The following OTOGL variants were observed in gnomAD, a reference collection of about 807,000 sequenced individuals.
OTOGL encodes the protein otogelin like, also known as otogelin-like protein.
A neutral mutation model predicts 318.5 loss-of-function variants in OTOGL; 285 were observed. The observed-to-expected ratio is 0.89, with a 90% CI of 0.81 to 0.99. The LOEUF is 0.99. OTOGL is among the 50% of genes least tolerant of loss of function. The pLI is 0.00. For missense variants in OTOGL, 2,899 were observed against 2,845.6 expected (o/e 1.02, Z -0.43); for synonymous variants, 987 against 936.5 (o/e 1.05, Z -0.99).
rs1185176238 is a variant in OTOGL, at chr12:80,379,363, A to G, written c.*1315A>G. On this transcript the variant is annotated 3_prime_UTR_variant, in exon 59 of 59. Transcript: ENST00000547103. ...TAAACTAGATTATCTGCTTTCATAT[A>G]CTAATGTTTTCATTTCAAAATCATG... 6 of 152,000 alleles carry G rather than the reference A, an allele frequency of 3.9e-5. No homozygotes were observed. The highest frequency in any genetic ancestry group is 1.4e-4 in the African/African-American group (6 of 41,428). 9.4% of individuals were successfully genotyped at this position (152,000 alleles called of 1,614,324 possible).
At chr12:80,178,079 TTTTG>T (rs1874658128) in intron 1 of OTOGL, among the ~76,000 whole-genome samples, 1 of 143,872 alleles carries the variant, frequency 7.0e-6, no homozygotes, top group South Asian at 2.2e-4. Flanking sequence ...TTTTTTTTTT[TTTTG>T]AGACAGAGTC....
At chr12:80,180,039 G>T (rs540850468) in intron 1 of OTOGL, among the ~76,000 whole-genome samples, 2 of 152,200 alleles carry the variant, frequency 1.3e-5, no homozygotes, top group Non-Finnish European at 2.9e-5. Flanking sequence ...TCAAGGTTTG[G>T]TTTTATCCTA....
chr12:80,238,159 T>C (rs1322254686), intron 9 of OTOGL, among the ~76,000 whole-genome samples: 1 of 152,208 alleles, frequency 6.6e-6, no homozygotes, highest in African/African-American at 2.4e-5. Flanking sequence ...ATCTGTTTGT[T>C]GTTGCCCACA....
At chr12:80,125,704 C>G (rs1870785334) in intron 1 of OTOGL, among the ~76,000 whole-genome samples, 1 of 152,128 alleles carries the variant, frequency 6.6e-6, no homozygotes, top group African/African-American at 2.4e-5. Flanking sequence ...TAATTATTGC[C>G]TCAATTTCAG....
At chr12:80,280,604 G>T (rs1884157803) in intron 26 of OTOGL, among the ~76,000 whole-genome samples, 1 of 151,906 alleles carries the variant, frequency 6.6e-6, no homozygotes, top group Non-Finnish European at 1.5e-5. Context: ...TCAGATGGTT[G>T]TAGGTATGTG....
In OTOGL at chr12:80,337,145, A is replaced by G. The variant is rs537815749; in HGVS notation, c.4860+141A>G. 6.6e-5 allele frequency: 45 copies of G among 677,264 alleles called. No individual in the cohort carries two copies. In the African/African-American group the frequency reaches 6.9e-4, roughly 10 times the overall value. 42.0% of individuals were successfully genotyped at this position (677,264 alleles called of 1,614,324 possible). A position where few individuals can be genotyped will look rare whatever the true frequency, so the allele number is the denominator to read the frequency against. ...AGTAATCATTTCATAGACAATATAA[A>G]ATGTGTTTCTTAATATTATATTTGT... On this transcript the variant is annotated intron_variant, in intron 42 of 58. Transcript: ENST00000547103.
intron 11 of OTOGL, among the ~76,000 whole-genome samples, chr12:80,251,152 T>G (rs1475213417): frequency 2.0e-5 from 3 of 152,206 alleles, no homozygotes; most frequent in Non-Finnish European, 4.4e-5. Context: ...ACGTTTTGGA[T>G]TCTTATTGCA....
At chr12:80,355,220 CTTTCTT>C (rs1566009624) in intron 46 of OTOGL, among the ~76,000 whole-genome samples, 1 of 97,790 alleles carries the variant, frequency 1.0e-5, no homozygotes. Flanking sequence ...TTCTTTCTTT[CTTTCTT>C]TTCTTTTTTT....
At chr12:80,310,796 C>A in intron 30 of OTOGL, 69 bp downstream of exon 30, 1 of 1,240,820 alleles carries the variant, frequency 8.1e-7, no homozygotes, top group Non-Finnish European at 1.1e-6. Flanking sequence ...CTGAGGTGAA[C>A]ACGACACGTA....
intron 1 of OTOGL, among the ~76,000 whole-genome samples, chr12:80,144,715 C>G (rs1872214238): frequency 6.6e-6 from 1 of 152,060 alleles, no homozygotes; most frequent in African/African-American, 2.4e-5. Context: ...TCTCCAGCAC[C>G]TGTTGTTTCC....
At chr12:80,320,023 A>G (rs1159373703) in intron 33 of OTOGL, among the ~76,000 whole-genome samples, 1 of 152,154 alleles carries the variant, frequency 6.6e-6, no homozygotes, top group Non-Finnish European at 1.5e-5. Context: ...AAGTTTAGCC[A>G]TTAGTAGGTT....
At chr12:80,345,363 G>C (rs1030997015) in intron 44 of OTOGL, among the ~76,000 whole-genome samples, 15 of 151,036 alleles carry the variant, frequency 9.9e-5, no homozygotes, top group African/African-American at 3.7e-4. Flanking sequence ...AGCCTCCTGA[G>C]TAGCTGGGAT....
chr12:80,178,584 A>G (rs1874702680), intron 1 of OTOGL, among the ~76,000 whole-genome samples: 1 of 152,052 alleles, frequency 6.6e-6, no homozygotes, highest in Admixed American at 6.5e-5. Flanking sequence ...TACGGGCTAT[A>G]CCTGGGTGCT....
intron 1 of OTOGL, among the ~76,000 whole-genome samples, chr12:80,119,867 G>A (rs543144926): frequency 6.6e-6 from 1 of 152,012 alleles, no homozygotes; most frequent in Non-Finnish European, 1.5e-5. Context: ...TCAATTCAGG[G>A]ACTACTGAAT....
chr12:80,218,953 C>G (rs991035900), intron 5 of OTOGL, among the ~76,000 whole-genome samples: 1 of 151,504 alleles, frequency 6.6e-6, no homozygotes, highest in Non-Finnish European at 1.5e-5. Context: ...TACCACCATG[C>G]CTGGCAGCAA....
At chr12:80,219,140 C>T (rs561040972) in intron 5 of OTOGL, among the ~76,000 whole-genome samples, 142 of 152,122 alleles carry the variant, frequency 9.3e-4, no homozygotes, top group African/African-American at 3.2e-3. Flanking sequence ...GAGACAGAGT[C>T]TAGCTCTGTT....
chr12:80,110,067 C>CTTTTTTTTT (rs35589524), intron 1 of OTOGL, among the ~76,000 whole-genome samples: 4 of 103,758 alleles, frequency 3.9e-5, no homozygotes, highest in African/African-American at 1.2e-4. Flanking sequence ...TTCTTTCTTT[C>CTTTTTTTTT]TTTTTTTTTT....
intron 1 of OTOGL, among the ~76,000 whole-genome samples, chr12:80,152,873 T>G (rs867704431): frequency 6.6e-6 from 1 of 152,128 alleles, no homozygotes. Context: ...TTTGTATTTT[T>G]AGTAGAGACA....
chr12:80,135,136 C>G (rs555331596), intron 1 of OTOGL, among the ~76,000 whole-genome samples: 1 of 152,178 alleles, frequency 6.6e-6, no homozygotes, highest in East Asian at 1.9e-4. Flanking sequence ...TCTTTCAACA[C>G]AGTTTTCCTC....
Sources: allele counts gnomAD v4.1 joint callset (sites outside exome capture counted in the v4.1 genomes callset), GRCh38; gene constraint gnomAD v4.1.1; transcripts MANE v1.5; gene names NCBI Gene and HGNC (gene_info 2026-07-23, HGNC 2026-07-21).